The following AAK1 variants were observed in gnomAD, a reference collection of about 807,000 sequenced individuals.
The protein encoded by AAK1 is AP2-associated protein kinase 1.
Under a neutral mutation model 116.0 loss-of-function variants are expected in AAK1, and 37 were observed. The ratio of observed to expected loss-of-function variants is 0.32; its 90% confidence interval spans 0.25 to 0.42. The LOEUF (loss-of-function observed/expected upper bound fraction) is 0.42. Among genes scored for constraint, AAK1 ranks in the 10% least tolerant of loss-of-function variants. The pLI, the probability that AAK1 is intolerant of heterozygous loss-of-function variation, is 1.00. For synonymous variants in AAK1, 458 were observed against 439.9 expected (o/e 1.04, Z -0.51); for missense variants, 919 against 1,170.6 (o/e 0.79, Z 3.14).
intron 2 of AAK1, among the ~76,000 whole-genome samples, chr2:69,587,265 A>T (rs951688961): frequency 6.6e-6 from 1 of 150,508 alleles, no homozygotes; most frequent in Non-Finnish European, 1.5e-5. Context: ...ATATATACAC[A>T]TGTGTATATA....
intron 2 of AAK1, among the ~76,000 whole-genome samples, chr2:69,581,744 A>G (rs1672555588): frequency 6.6e-6 from 1 of 152,156 alleles, no homozygotes. Flanking sequence ...TGGGAGGCTG[A>G]AGTGGGAAGA....
At chr2:69,548,815 G>C (rs1235352746) in intron 3 of AAK1, among the ~76,000 whole-genome samples, 3 of 152,052 alleles carry the variant, frequency 2.0e-5, no homozygotes, top group Admixed American at 1.3e-4. Flanking sequence ...ATCTTGGCCA[G>C]GATGGTCTCG....
chr2:69,542,974 G>A (rs991056382), intron 4 of AAK1, among the ~76,000 whole-genome samples: 6 of 152,180 alleles, frequency 3.9e-5, no homozygotes, highest in African/African-American at 1.4e-4. Flanking sequence ...TTAGTTGCCT[G>A]GTTATATTGT....
chr2:69,614,877 T>A (rs996188208), intron 2 of AAK1, among the ~76,000 whole-genome samples: 1 of 152,072 alleles, frequency 6.6e-6, no homozygotes, highest in Non-Finnish European at 1.5e-5. Context: ...AACCAAGGAA[T>A]GCCTGGAGCC....
At chr2:69,588,663 T>C (rs1672893078) in intron 2 of AAK1, among the ~76,000 whole-genome samples, 1 of 152,202 alleles carries the variant, frequency 6.6e-6, no homozygotes, top group Admixed American at 6.5e-5. Context: ...GTTCTTACAT[T>C]TGTTTTATAC....
chr2:69,486,008 G>A (rs980907375), intron 17 of AAK1, among the ~76,000 whole-genome samples: 16 of 151,954 alleles, frequency 1.1e-4, no homozygotes, highest in Admixed American at 3.3e-4. Context: ...GGGCTGAAGT[G>A]CTGTGGAACG....
chr2:69,502,535 C>T (rs1676018148), intron 16 of AAK1, among the ~76,000 whole-genome samples: 1 of 152,046 alleles, frequency 6.6e-6, no homozygotes, highest in African/African-American at 2.4e-5. Flanking sequence ...GCAGGAGAAT[C>T]GCTTGAACCT....
rs1383372513 is a variant in AAK1 at position 69,473,636 on chromosome 2, A to G, written c.*2233T>C. 1.0e-6 allele frequency: 1 copy of G among 981,364 alleles called. No homozygotes were observed. The highest frequency in any genetic ancestry group is 1.2e-6 in the Non-Finnish European group (1 of 826,020). 60.8% of individuals were successfully genotyped at this position (981,364 alleles called of 1,614,324 possible). Reference sequence around the variant, plus strand: ...AATGTAATTATGGGTAATATATGAAAAGAACAATTTAGAGATACCTAATTT... The same window carrying G: ...AATGTAATTATGGGTAATATATGAAGAGAACAATTTAGAGATACCTAATTT... On this transcript the variant is annotated 3_prime_UTR_variant, in exon 22 of 22. Transcript: ENST00000409085.
At chr2:69,541,373 G>C (rs1670714599) in intron 5 of AAK1, among the ~76,000 whole-genome samples, 2 of 151,880 alleles carry the variant, frequency 1.3e-5, no homozygotes, top group South Asian at 2.1e-4. Flanking sequence ...TGGGACTATA[G>C]GCATGCGCTA....
intron 16 of AAK1, among the ~76,000 whole-genome samples, chr2:69,501,205 G>A (rs1572899858): frequency 6.6e-6 from 1 of 152,228 alleles, no homozygotes; most frequent in African/African-American, 2.4e-5. Flanking sequence ...GCATGAACTG[G>A]TTTTGGAACA....
At chr2:69,620,538 T>C (rs775111521) in intron 2 of AAK1, among the ~76,000 whole-genome samples, 31 of 152,188 alleles carry the variant, frequency 2.0e-4, no homozygotes, top group Non-Finnish European at 4.0e-4. Context: ...TTTCCATCAC[T>C]CTTCTGAATG....
At chr2:69,499,814 T>A (rs1440461835) in intron 16 of AAK1, 2 of 152,170 alleles carry the variant, frequency 1.3e-5, no homozygotes, top group African/African-American at 4.8e-5. Context: ...TATGCAGAAA[T>A]AAAATTCTAG....
chr2:69,527,332 TG>T lies in AAK1; in HGVS notation c.872-14del, dbSNP rs1572926533. The T allele has an allele frequency of 6.6e-7, 1 of 1,508,728 alleles. No homozygotes were observed. 93.5% of individuals were successfully genotyped at this position (1,508,728 alleles called of 1,614,324 possible). The stretch of plus-strand genomic sequence containing the variant: ...TCCAACATATACCCTAAGGCAAACA[TG>T]TGAATTTATTTAATAATATTCCAAC... On this transcript the variant is annotated splice_polypyrimidine_tract_variant and intron_variant, in intron 8 of 21. Transcript: ENST00000409085.
chr2:69,617,449 G>A (rs1674386725), intron 2 of AAK1, among the ~76,000 whole-genome samples: 1 of 152,152 alleles, frequency 6.6e-6, no homozygotes, highest in Non-Finnish European at 1.5e-5. Flanking sequence ...CTGTGAGTTA[G>A]GCTGTTTGAA....
chr2:69,507,322 C>G (rs1326394070), intron 15 of AAK1, 99 bp downstream of exon 15: 1 of 1,414,594 alleles, frequency 7.1e-7, no homozygotes, highest in African/African-American at 1.4e-5. Context: ...TTTCCACATG[C>G]ATACCCTTCT....
rs185425941 is a variant in AAK1, at chr2:69,503,854, C to T, written c.2269+1715G>A. ...AAAAATTATACTTTAACAAAATTAG[C>T]TGGGCATGGTGGCACATGCCTGTGA... On this transcript the variant is annotated intron_variant, in intron 16 of 21. Transcript: ENST00000409085. Among the ~76,000 whole-genome samples, 694 of 152,240 alleles carry T rather than the reference C, an allele frequency of 4.6e-3. 3 individuals are homozygous for T. Among genetic ancestry groups the T allele is most frequent in the African/African-American group, 0.016 (660 of 41,534 alleles).
intron 13 of AAK1, among the ~76,000 whole-genome samples, chr2:69,513,577 C>T (rs1369633289): frequency 6.6e-6 from 1 of 152,220 alleles, no homozygotes; most frequent in Non-Finnish European, 1.5e-5. Flanking sequence ...CCCGCCTCGG[C>T]CTCCCAAAGT....
chr2:69,498,868 C>G (rs1675859884), intron 16 of AAK1, among the ~76,000 whole-genome samples: 1 of 152,228 alleles, frequency 6.6e-6, no homozygotes, highest in Non-Finnish European at 1.5e-5. Context: ...CTTACCATTC[C>G]TCAGGTGTGC....
chr2:69,471,063 T>C lies in AAK1; in HGVS notation c.*4806A>G, dbSNP rs951728853. 3.0e-6 allele frequency: 3 copies of C among 985,878 alleles called. No individual in the cohort carries two copies. Among genetic ancestry groups the C allele is most frequent in the Non-Finnish European group, 3.6e-6 (3 of 829,938 alleles). 61.1% of individuals were successfully genotyped at this position (985,878 alleles called of 1,614,324 possible). A position where few individuals can be genotyped will look rare whatever the true frequency, so the allele number is the denominator to read the frequency against. ...TAAGATATCTTCATGTACAACTGTATGCTTTGTCTTCTTGGGAAGGACGCG... is the reference window on the plus strand; with the variant it reads ...TAAGATATCTTCATGTACAACTGTACGCTTTGTCTTCTTGGGAAGGACGCG... On this transcript the variant is annotated 3_prime_UTR_variant, in exon 22 of 22. Transcript: ENST00000409085.
Sources: gnomAD v4.1 joint callset for allele counts (sites outside exome capture counted in the v4.1 genomes callset) on GRCh38, gnomAD v4.1.1 for gene constraint, MANE v1.5 for transcripts, NCBI Gene and HGNC (gene_info 2026-07-23, HGNC 2026-07-21) for gene names.